The following PCDHA4 variants were observed in gnomAD, a reference collection of about 807,000 sequenced individuals.
PCDHA4 encodes the protein protocadherin alpha 4, also known as protocadherin alpha-4.
In PCDHA4, 49 loss-of-function variants were observed where a neutral mutation model predicts 61.4. The ratio of observed to expected loss-of-function variants is 0.80; its 90% CI spans 0.63 to 1.01. PCDHA4 has a LOEUF of 1.01. PCDHA4 is among the 50% of genes least tolerant of loss of function. The pLI is 0.00. For synonymous variants in PCDHA4, 590 were observed against 550.3 expected, an observed-to-expected ratio of 1.07 and a Z score of -1.01; for missense variants, 1,254 against 1,235.8, an observed-to-expected ratio of 1.01 and a Z score of -0.22.
intron 1 of PCDHA4, among the ~76,000 whole-genome samples, chr5:140,890,243 A>G (rs782339518): frequency 6.6e-6 from 1 of 152,130 alleles, no homozygotes; most frequent in Non-Finnish European, 1.5e-5. Context: ...ATTTACCAGT[A>G]CACTACTGCA....
chr5:140,994,550 T>A (rs1554254228), intron 3 of PCDHA4, among the ~76,000 whole-genome samples: 1 of 151,060 alleles, frequency 6.6e-6, no homozygotes, highest in Non-Finnish European at 1.5e-5. Context: ...AAAAAAAATA[T>A]AAAAATTAGC....
chr5:140,819,407 A>G lies in PCDHA4; in HGVS notation c.2385+9835A>G, dbSNP rs143738403. 1.3e-3 allele frequency among the ~76,000 whole-genome samples: 191 copies of G among 152,278 alleles called. 1 individual carries two copies. The highest frequency in any genetic ancestry group is 4.1e-3 in the African/African-American group (169 of 41,568). ...AAGGCTTTTAGTGAATTAAATGGAGACACTTTAATATACTACACAGTTTTA... is the reference window on the plus strand; with the variant it reads ...AAGGCTTTTAGTGAATTAAATGGAGGCACTTTAATATACTACACAGTTTTA... On this transcript the variant is annotated intron_variant, in intron 1 of 3. Coordinates refer to ENST00000530339, the MANE Select transcript of PCDHA4 (RefSeq NM_018907.4).
intron 1 of PCDHA4, among the ~76,000 whole-genome samples, chr5:140,941,216 T>TTTCTTTCTTTCTTTCTTTC (rs2092891567): frequency 8.0e-6 from 1 of 124,950 alleles, no homozygotes; most frequent in East Asian, 2.2e-4. Context: ...TCTTTCTTCC[T>TTTCTTTCTTTCTTTCTTTC]TTCTTTCTTT....
At chr5:140,850,115 G>A (rs2150468444) in intron 1 of PCDHA4, 17 of 1,595,978 alleles carry the variant, frequency 1.1e-5, no homozygotes, top group Non-Finnish European at 1.5e-5. Flanking sequence ...CGCGCGACGC[G>A]GGCGTGCCGC....
At position 140,808,999 on chromosome 5, in the gene PCDHA4, C is replaced by T. The variant is rs17844283; in HGVS notation, c.1812C>T (p.Asn604=). The T allele has an allele frequency of 2.5e-6, 4 of 1,613,708 alleles. No homozygotes were observed. Among genetic ancestry groups the T allele is most frequent in the South Asian group, 2.2e-5 (2 of 91,062 alleles). The change falls in exon 1 of 4, where the codon AAC becomes AAT. Residue 604 remains asparagine, a synonymous_variant. Transcript: ENST00000530339. ...CGGTGGATGCTGACTCGGGCTACAA[C>T]GCGTGGCTTTCGTACGAGCTGCAGC... The part of the protein sequence containing the change: ...VRAVDADSGY[N]AWLSYELQPG...
chr5:140,857,779 T>C (rs2044890811), intron 1 of PCDHA4: 2 of 1,597,506 alleles, frequency 1.3e-6, no homozygotes, highest in Non-Finnish European at 8.6e-7. Context: ...GTGCAGTCAG[T>C]GAGCTGGTGC....
At chr5:140,912,312 T>C (rs2075860793) in intron 1 of PCDHA4, among the ~76,000 whole-genome samples, 1 of 151,960 alleles carries the variant, frequency 6.6e-6, no homozygotes, top group African/African-American at 2.4e-5. Flanking sequence ...TCCAGTCAAG[T>C]TGACCCTCAG....
In PCDHA4 at chr5:140,835,437, C is replaced by G. The variant is rs150063888; in HGVS notation, c.2385+25865C>G. ...AAATGACAATGCTCCACAGTTGACTCTCACTTCCCTGTCTCTCCCTATTCC... is the reference window on the plus strand; with the variant it reads ...AAATGACAATGCTCCACAGTTGACTGTCACTTCCCTGTCTCTCCCTATTCC... On this transcript the variant is annotated intron_variant, in intron 1 of 3. Transcript: ENST00000530339. 1.9e-6 allele frequency: 3 copies of G among 1,612,848 alleles called. No individual in the cohort carries two copies. The highest frequency in any genetic ancestry group is 1.7e-4 in the Middle Eastern group (1 of 6,058).
At chr5:140,952,961 A>G (rs531904047) in intron 1 of PCDHA4, among the ~76,000 whole-genome samples, 1 of 152,158 alleles carries the variant, frequency 6.6e-6, no homozygotes, top group East Asian at 1.9e-4. Context: ...GGGAAGTGAT[A>G]CACACTTTTA....
chr5:140,840,241 A>G (rs1237223547), intron 1 of PCDHA4, among the ~76,000 whole-genome samples: 1 of 152,048 alleles, frequency 6.6e-6, no homozygotes, highest in Non-Finnish European at 1.5e-5. Flanking sequence ...GAGAATCACT[A>G]TGCTATAAAA....
chr5:140,861,565 T>C (rs1191527978), intron 1 of PCDHA4: 2 of 376,886 alleles, frequency 5.3e-6, no homozygotes, highest in South Asian at 4.9e-5. Flanking sequence ...GTGGACAAGC[T>C]GCTACAGGTT....
intron 1 of PCDHA4, chr5:140,871,528 T>G: frequency 2.0e-6 from 3 of 1,530,602 alleles, no homozygotes; most frequent in Non-Finnish European, 2.6e-6. Context: ...TATCAGGAAG[T>G]GTATGTGAAA....
At chr5:140,835,806 T>G (rs1271549393) in intron 1 of PCDHA4, 2 of 1,612,866 alleles carry the variant, frequency 1.2e-6, no homozygotes, top group African/African-American at 2.7e-5. Flanking sequence ...CTGCCACATC[T>G]TCACTGTGTC....
intron 1 of PCDHA4, chr5:140,829,111 T>G: frequency 6.2e-7 from 1 of 1,612,018 alleles, no homozygotes; most frequent in Non-Finnish European, 8.5e-7. Flanking sequence ...TAGTGAGAAT[T>G]TTGGATAAAA....
chr5:140,925,441 T>G (rs1458646143), intron 1 of PCDHA4, among the ~76,000 whole-genome samples: 1 of 152,136 alleles, frequency 6.6e-6, no homozygotes, highest in African/African-American at 2.4e-5. Context: ...TTAGGCAGAA[T>G]TTGGGTGTAT....
chr5:140,851,796 T>C, intron 1 of PCDHA4: 3 of 954,006 alleles, frequency 3.1e-6, no homozygotes, highest in Non-Finnish European at 3.8e-6. Flanking sequence ...TCACTTGTTC[T>C]GTCAGTAATC....
chr5:140,883,685 C>T (rs782100865), intron 1 of PCDHA4: 50 of 1,613,734 alleles, frequency 3.1e-5, no homozygotes, highest in Non-Finnish European at 3.7e-5. Context: ...GCCGGGCTGC[C>T]ACATCTTCAC....
chr5:140,906,680 C>T (rs2072848945), intron 1 of PCDHA4, among the ~76,000 whole-genome samples: 2 of 152,166 alleles, frequency 1.3e-5, no homozygotes, highest in Admixed American at 6.5e-5. Context: ...AACCTTCATT[C>T]CTGAAGGATC....
intron 1 of PCDHA4, among the ~76,000 whole-genome samples, chr5:140,826,336 T>G (rs1768901629): frequency 6.6e-6 from 1 of 152,166 alleles, no homozygotes; most frequent in Non-Finnish European, 1.5e-5. Context: ...GTTAAGAAAT[T>G]GAACCCTTTG....
Sources: gnomAD v4.1 joint callset for allele counts (sites outside exome capture counted in the v4.1 genomes callset) on GRCh38, gnomAD v4.1.1 for gene constraint, MANE v1.5 for transcripts, NCBI Gene and HGNC (gene_info 2026-07-23, HGNC 2026-07-21) for gene names.